The following APBA1 variants were observed in gnomAD, a reference collection of about 807,000 sequenced individuals.
APBA1 encodes the protein amyloid-beta A4 precursor protein-binding family A member 1.
A neutral mutation model predicts 86.6 loss-of-function variants in APBA1; 55 were observed. The observed-to-expected ratio is 0.64, with a 90% CI of 0.51 to 0.80. The LOEUF (loss-of-function observed/expected upper bound fraction) is 0.80. APBA1 is among the 30% of genes least tolerant of loss of function. The probability of loss-of-function intolerance (pLI) is 0.00; values close to 1 mark genes in which losing one functional copy is unlikely to be tolerated. For missense variants in APBA1, 1,090 were observed against 1,183.0 expected, an observed-to-expected ratio of 0.92 and a Z score of 1.15; for synonymous variants, 511 against 493.9, an observed-to-expected ratio of 1.03 and a Z score of -0.46.
chr9:69,577,014 G>A (rs1313255269), intron 1 of APBA1, among the ~76,000 whole-genome samples: 2 of 151,902 alleles, frequency 1.3e-5, no homozygotes, highest in Non-Finnish European at 2.9e-5. Context: ...ATTGACAATA[G>A]TTGCACATAT....
chr9:69,454,778 G>A (rs1249161734), intron 8 of APBA1, among the ~76,000 whole-genome samples: 1 of 152,116 alleles, frequency 6.6e-6, no homozygotes, highest in Non-Finnish European at 1.5e-5. Flanking sequence ...CTCGATCCCT[G>A]TAACTTCATC....
At chr9:69,605,043 C>T (rs1248401579) in intron 1 of APBA1, among the ~76,000 whole-genome samples, 1 of 152,158 alleles carries the variant, frequency 6.6e-6, no homozygotes, top group Non-Finnish European at 1.5e-5. Context: ...ATGACTCACA[C>T]AAAAACAATA....
At position 69,429,810 on chromosome 9, in the gene APBA1, TATTA is replaced by T. The variant is rs1834556891; in HGVS notation, c.*1513_*1516del. 1.3e-5 allele frequency: 2 copies of T among 151,914 alleles called. No individual in the cohort carries two copies. The highest frequency in any genetic ancestry group is 6.6e-5 in the Admixed American group (1 of 15,230). The allele number at this position is 151,914 out of a possible 1,614,324, so 9.4% of individuals were successfully genotyped here. A position where few individuals can be genotyped will look rare whatever the true frequency, so the allele number is the denominator to read the frequency against. Reference sequence around the variant, plus strand: ...TCTCGGATGCAGAGAACAGGGACTATATTAATTACAAAATATAATAGTTTCTCTT... The same window carrying T: ...TCTCGGATGCAGAGAACAGGGACTATATTACAAAATATAATAGTTTCTCTT... On this transcript the variant is annotated 3_prime_UTR_variant, in exon 13 of 13. Transcript: ENST00000265381.
At chr9:69,658,268 CTTTCTT>C (rs1554709934) in intron 1 of APBA1, among the ~76,000 whole-genome samples, 19 of 88,398 alleles carry the variant, frequency 2.1e-4, no homozygotes, top group African/African-American at 8.2e-4. Flanking sequence ...TTCTTTCTTT[CTTTCTT>C]TCTTTCTTTC....
intron 1 of APBA1, among the ~76,000 whole-genome samples, chr9:69,594,992 A>G (rs1049909039): frequency 6.6e-6 from 1 of 152,222 alleles, no homozygotes; most frequent in African/African-American, 2.4e-5. Context: ...TGTGGTATGA[A>G]GTACTTAATA....
In APBA1 at chr9:69,483,059, T is replaced by C. The variant is rs192754646; in HGVS notation, c.1201-6916A>G. Among the ~76,000 whole-genome samples, 475 of 149,166 alleles carry C rather than the reference T, an allele frequency of 3.2e-3. 1 individual carries two copies. The highest frequency in any genetic ancestry group is 0.011 in the African/African-American group (457 of 40,332). The stretch of plus-strand genomic sequence containing the variant: ...GGGTGCAGCGCACCAGCATGGCACA[T>C]GTATACATATGTAACTAACCTGCAC... On this transcript the variant is annotated intron_variant, in intron 2 of 12. Transcript: ENST00000265381.
chr9:69,532,814 C>T (rs899143284), intron 1 of APBA1, among the ~76,000 whole-genome samples: 4 of 152,178 alleles, frequency 2.6e-5, no homozygotes, highest in African/African-American at 9.7e-5. Flanking sequence ...GATTTGCAAT[C>T]ATTAATTCTT....
chr9:69,629,386 A>G (rs564362172), intron 1 of APBA1, among the ~76,000 whole-genome samples: 1 of 152,334 alleles, frequency 6.6e-6, no homozygotes, highest in Admixed American at 6.5e-5. Context: ...CTAATAGTTC[A>G]TGATTAACCT....
intron 1 of APBA1, among the ~76,000 whole-genome samples, chr9:69,662,649 C>A (rs1823774309): frequency 1.3e-5 from 2 of 152,132 alleles, no homozygotes; most frequent in Non-Finnish European, 2.9e-5. Context: ...ATTTTCACAT[C>A]TGGGAAGAAA....
At chr9:69,519,002 T>A (rs1836210860) in intron 1 of APBA1, among the ~76,000 whole-genome samples, 1 of 152,232 alleles carries the variant, frequency 6.6e-6, no homozygotes, top group African/African-American at 2.4e-5. Context: ...TTACAAGAGA[T>A]GAACAATCTT....
chr9:69,577,890 T>TCAC (rs1411561741), intron 1 of APBA1, among the ~76,000 whole-genome samples: 2 of 151,978 alleles, frequency 1.3e-5, no homozygotes, highest in East Asian at 3.9e-4. Context: ...TGTCTGGACT[T>TCAC]CACCACCACA....
intron 1 of APBA1, among the ~76,000 whole-genome samples, chr9:69,604,914 G>A (rs1365874524): frequency 6.6e-6 from 1 of 151,984 alleles, no homozygotes; most frequent in Non-Finnish European, 1.5e-5. Flanking sequence ...ACACGGGTAT[G>A]GGCACACATG....
chr9:69,641,935 T>A (rs941105314), intron 1 of APBA1, among the ~76,000 whole-genome samples: 2 of 152,190 alleles, frequency 1.3e-5, no homozygotes, highest in Non-Finnish European at 2.9e-5. Flanking sequence ...AACTTCCGCC[T>A]CCCGGATTCA....
At chr9:69,530,830 T>C (rs1169871136) in intron 1 of APBA1, among the ~76,000 whole-genome samples, 1 of 152,178 alleles carries the variant, frequency 6.6e-6, no homozygotes, top group Admixed American at 6.5e-5. Context: ...TCTGTATTGG[T>C]TAAATTTTCC....
intron 1 of APBA1, among the ~76,000 whole-genome samples, chr9:69,590,047 T>G (rs937181961): frequency 5.9e-5 from 9 of 152,160 alleles, no homozygotes; most frequent in Non-Finnish European, 1.5e-5. Flanking sequence ...TTGCCAGTCC[T>G]TTAAGCCTCA....
intron 1 of APBA1, among the ~76,000 whole-genome samples, chr9:69,544,498 T>C (rs942880451): frequency 6.6e-6 from 1 of 152,194 alleles, no homozygotes; most frequent in African/African-American, 2.4e-5. Context: ...AGGGAACTAA[T>C]AAAATAAAAT....
chr9:69,463,885 G>C (rs776149778), intron 5 of APBA1: 2 of 152,234 alleles, frequency 1.3e-5, no homozygotes, highest in African/African-American at 2.4e-5. Context: ...TAAATCCACA[G>C]AGCTTTTCTT....
At chr9:69,623,765 C>G (rs1822873745) in intron 1 of APBA1, among the ~76,000 whole-genome samples, 1 of 152,164 alleles carries the variant, frequency 6.6e-6, no homozygotes, top group Non-Finnish European at 1.5e-5. Flanking sequence ...ACATATTTGA[C>G]CCCAACACTG....
intron 9 of APBA1, among the ~76,000 whole-genome samples, chr9:69,450,071 T>G (rs539032109): frequency 3.7e-4 from 55 of 150,264 alleles, no homozygotes; most frequent in African/African-American, 1.0e-3. Flanking sequence ...TTTTTTTTTT[T>G]TTTTTTTTTT....
Sources: allele counts gnomAD v4.1 joint callset (sites outside exome capture counted in the v4.1 genomes callset), GRCh38; gene constraint gnomAD v4.1.1; transcripts MANE v1.5; gene names NCBI Gene and HGNC (gene_info 2026-07-23, HGNC 2026-07-21).